Variants in PDE3A observed in about 807,000 individuals in gnomAD.
PDE3A encodes cGMP-inhibited 3',5'-cyclic phosphodiesterase 3A.
Under a neutral mutation model 98.3 loss-of-function variants are expected in PDE3A, and 43 were observed. The observed-to-expected ratio is 0.44, with a 90% CI of 0.34 to 0.56. The LOEUF (loss-of-function observed/expected upper bound fraction) is 0.56, where lower values mean the gene tolerates loss of function less well. PDE3A is among the 20% of genes least tolerant of loss of function. The pLI is 0.01. For synonymous variants in PDE3A, 663 were observed against 567.9 expected (o/e 1.17, Z -2.38); for missense variants, 1,427 against 1,440.7 (o/e 0.99, Z 0.15).
intron 15 of PDE3A, among the ~76,000 whole-genome samples, chr12:20,661,389 T>A: frequency 6.6e-6 from 1 of 152,204 alleles, no homozygotes; most frequent in East Asian, 1.9e-4. Flanking sequence ...CCAAGCGAGC[T>A]GCAGAAATTT....
At chr12:20,540,789 T>C (rs1394185724) in intron 1 of PDE3A, among the ~76,000 whole-genome samples, 1 of 152,104 alleles carries the variant, frequency 6.6e-6, no homozygotes, top group East Asian at 1.9e-4. Flanking sequence ...GGCTAGGACA[T>C]GGTGATAATG....
At chr12:20,577,396 A>G (rs187419477) in intron 2 of PDE3A, among the ~76,000 whole-genome samples, 1 of 152,316 alleles carries the variant, frequency 6.6e-6, no homozygotes, top group East Asian at 1.9e-4. Context: ...ATAATAAAGA[A>G]CAATCAAAGG....
At chr12:20,518,596 G>A (rs374291890) in intron 1 of PDE3A, among the ~76,000 whole-genome samples, 1 of 151,880 alleles carries the variant, frequency 6.6e-6, no homozygotes, top group Non-Finnish European at 1.5e-5. Flanking sequence ...TGTTGGATTG[G>A]AGTATTTCCA....
At chr12:20,460,099 C>G (rs755770111) in intron 1 of PDE3A, among the ~76,000 whole-genome samples, 1 of 152,204 alleles carries the variant, frequency 6.6e-6, no homozygotes, top group Non-Finnish European at 1.5e-5. Flanking sequence ...CCCCCTGCTG[C>G]TGTTACCTCA....
chr12:20,509,582 G>T (rs762871717), intron 1 of PDE3A, among the ~76,000 whole-genome samples: 2 of 151,710 alleles, frequency 1.3e-5, no homozygotes, highest in African/African-American at 2.4e-5. Flanking sequence ...ATTTTAAAAG[G>T]GTATTTTTGG....
chr12:20,615,794 C>A (rs958685764), intron 3 of PDE3A, among the ~76,000 whole-genome samples: 1 of 151,904 alleles, frequency 6.6e-6, no homozygotes, highest in African/African-American at 2.4e-5. Flanking sequence ...GGTGTGATCT[C>A]AGCTCACTGC....
intron 1 of PDE3A, among the ~76,000 whole-genome samples, chr12:20,413,199 GA>G (rs1944364754): frequency 6.6e-6 from 1 of 152,214 alleles, no homozygotes; most frequent in Non-Finnish European, 1.5e-5. Context: ...AAACCTTTGA[GA>G]AAGTGTTCTT....
intron 1 of PDE3A, among the ~76,000 whole-genome samples, chr12:20,400,412 TTTTTTTTTTTTTG>T (rs1944106122): frequency 2.0e-5 from 1 of 49,624 alleles, no homozygotes; most frequent in African/African-American, 6.3e-5. Flanking sequence ...TTTTTTTTTT[TTTTTTTTTTTTTG>T]AGATGGAGTC....
At chr12:20,585,649 AGAT>A (rs1943176378) in intron 2 of PDE3A, among the ~76,000 whole-genome samples, 1 of 29,246 alleles carries the variant, frequency 3.4e-5, no homozygotes, top group Non-Finnish European at 7.6e-5. Context: ...TTATTAAATG[AGAT>A]AATTTGTGAA....
intron 1 of PDE3A, among the ~76,000 whole-genome samples, chr12:20,518,596 G>T (rs374291890): frequency 6.6e-6 from 1 of 151,998 alleles, no homozygotes; most frequent in African/African-American, 2.4e-5. Context: ...TGTTGGATTG[G>T]AGTATTTCCA....
intron 15 of PDE3A, among the ~76,000 whole-genome samples, chr12:20,662,329 T>A (rs1412329644): frequency 2.0e-5 from 3 of 151,324 alleles, no homozygotes; most frequent in Non-Finnish European, 4.4e-5. Flanking sequence ...CAGATAAAGA[T>A]GAGGAACTTG....
At chr12:20,569,615 G>A (rs1942747125) in intron 2 of PDE3A, among the ~76,000 whole-genome samples, 1 of 152,074 alleles carries the variant, frequency 6.6e-6, no homozygotes, top group Admixed American at 6.6e-5. Context: ...TCAAAAAGAA[G>A]AATATGTAGC....
At chr12:20,413,260 C>T (rs1944365401) in intron 1 of PDE3A, among the ~76,000 whole-genome samples, 1 of 152,026 alleles carries the variant, frequency 6.6e-6, no homozygotes, top group Admixed American at 6.6e-5. Context: ...ATAAAGGAAC[C>T]CAGAGAGTTT....
At chr12:20,526,507 T>A (rs1420223254) in intron 1 of PDE3A, among the ~76,000 whole-genome samples, 1 of 152,116 alleles carries the variant, frequency 6.6e-6, no homozygotes, top group Non-Finnish European at 1.5e-5. Flanking sequence ...AATAAAGTAA[T>A]ATGGGTATGT....
chr12:20,437,526 G>A (rs1944797888), intron 1 of PDE3A, among the ~76,000 whole-genome samples: 1 of 152,156 alleles, frequency 6.6e-6, no homozygotes, highest in African/African-American at 2.4e-5. Context: ...TTCTGGGGAG[G>A]CCTCCAGGAG....
At chr12:20,643,251 A>G (rs563271854) in intron 10 of PDE3A, among the ~76,000 whole-genome samples, 52 of 152,324 alleles carry the variant, frequency 3.4e-4, no homozygotes, top group South Asian at 3.3e-3. Flanking sequence ...GATAGCTCTG[A>G]TAGCATTTCT....
chr12:20,452,400 C>A (rs1451849089), intron 1 of PDE3A, among the ~76,000 whole-genome samples: 1 of 152,084 alleles, frequency 6.6e-6, no homozygotes, highest in Non-Finnish European at 1.5e-5. Context: ...TCTTCAATAT[C>A]TCTCTCTCTC....
At chr12:20,490,787 A>G (rs555626435) in intron 1 of PDE3A, among the ~76,000 whole-genome samples, 2 of 152,264 alleles carry the variant, frequency 1.3e-5, no homozygotes, top group South Asian at 2.1e-4. Flanking sequence ...GCTCTTTGGT[A>G]CCTTATCAAA....
At chr12:20,403,104 T>C (rs944232834) in intron 1 of PDE3A, among the ~76,000 whole-genome samples, 5 of 152,218 alleles carry the variant, frequency 3.3e-5, no homozygotes, top group African/African-American at 1.2e-4. Context: ...CCAAATTTCA[T>C]TTTCTTACTG....
Sources: gnomAD v4.1 joint callset for allele counts (sites outside exome capture counted in the v4.1 genomes callset) on GRCh38, gnomAD v4.1.1 for gene constraint, MANE v1.5 for transcripts, NCBI Gene and HGNC (gene_info 2026-07-23, HGNC 2026-07-21) for gene names.